TRHDE: variants seen among roughly 807,000 people sequenced by gnomAD.
TRHDE encodes the protein thyrotropin releasing hormone degrading enzyme.
Under a neutral mutation model 125.7 loss-of-function variants are expected in TRHDE, and 72 were observed. The observed-to-expected ratio is 0.57, with a 90% CI of 0.47 to 0.70. The LOEUF (loss-of-function observed/expected upper bound fraction) is 0.70. Among genes scored for constraint, TRHDE ranks in the 30% least tolerant of loss-of-function variants. The pLI is 0.00. For synonymous variants in TRHDE, 509 were observed against 509.1 expected (o/e 1.00, Z 0.00); for missense variants, 1,110 against 1,327.1 (o/e 0.84, Z 2.54).
chr12:72,418,758 GA>G (rs1873832952), intron 3 of TRHDE, among the ~76,000 whole-genome samples: 1 of 152,102 alleles, frequency 6.6e-6, no homozygotes, highest in Non-Finnish European at 1.5e-5. Context: ...TTTCAGGTAA[GA>G]AAAATAAAAT....
At chr12:72,250,410 T>C (rs967587143) in intron 2 of TRHDE, among the ~76,000 whole-genome samples, 1 of 152,170 alleles carries the variant, frequency 6.6e-6, no homozygotes, top group African/African-American at 2.4e-5. Flanking sequence ...AGTAGGAGGA[T>C]CACGCTGGCT....
chr12:72,592,588 T>C (rs573354522), intron 12 of TRHDE, among the ~76,000 whole-genome samples: 2 of 152,244 alleles, frequency 1.3e-5, no homozygotes, highest in East Asian at 3.9e-4. Flanking sequence ...CTATTTTTGT[T>C]GTTTCCTTTA....
intron 2 of TRHDE, chr12:72,262,590 G>A (rs974812906): frequency 2.1e-4 from 32 of 152,044 alleles, no homozygotes; most frequent in Admixed American, 2.1e-3. Flanking sequence ...ATAGAAACAT[G>A]AACATTCGTC....
At chr12:72,480,681 CAAT>C (rs1354151752) in intron 5 of TRHDE, among the ~76,000 whole-genome samples, 2 of 152,064 alleles carry the variant, frequency 1.3e-5, no homozygotes, top group East Asian at 3.8e-4. Flanking sequence ...TGGAGTCTAA[CAAT>C]AATGCAAGGC....
intron 7 of TRHDE, among the ~76,000 whole-genome samples, chr12:72,560,140 A>T (rs1209174090): frequency 1.3e-5 from 2 of 152,218 alleles, no homozygotes; most frequent in Non-Finnish European, 2.9e-5. Context: ...CTTTAAAAAA[A>T]GTTGGCACAT....
chr12:72,575,895 A>T (rs1033182744), intron 12 of TRHDE, among the ~76,000 whole-genome samples: 168 of 152,086 alleles, frequency 1.1e-3, no homozygotes, highest in Non-Finnish European at 1.2e-3. Context: ...TTTTTCCCTG[A>T]TGTATACTAG....
chr12:72,227,412 A>T (rs1249793453), intron 2 of TRHDE, among the ~76,000 whole-genome samples: 1 of 152,138 alleles, frequency 6.6e-6, no homozygotes, highest in Non-Finnish European at 1.5e-5. Flanking sequence ...CATGAAACTT[A>T]TTCACTATCA....
At chr12:72,290,550 G>T (rs1880048676) in intron 2 of TRHDE, among the ~76,000 whole-genome samples, 1 of 152,212 alleles carries the variant, frequency 6.6e-6, no homozygotes, top group African/African-American at 2.4e-5. Context: ...GAAGGGCACA[G>T]TGGTGGCAAC....
At chr12:72,456,086 A>T (rs1392960637) in intron 3 of TRHDE, among the ~76,000 whole-genome samples, 1 of 150,342 alleles carries the variant, frequency 6.7e-6, no homozygotes, top group Non-Finnish European at 1.5e-5. Context: ...CTCAGTATGT[A>T]TATTTATATA....
intron 6 of TRHDE, among the ~76,000 whole-genome samples, chr12:72,515,404 T>A (rs1158226242): frequency 5.3e-5 from 8 of 150,952 alleles, no homozygotes; most frequent in African/African-American, 2.0e-4. Context: ...GTGAGCATTT[T>A]TTCATGTGTT....
intron 2 of TRHDE, chr12:72,137,462 T>C (rs1242433505): frequency 6.6e-6 from 1 of 152,220 alleles, no homozygotes; most frequent in Non-Finnish European, 1.5e-5. Flanking sequence ...ATAAGCCCTG[T>C]GGTTCTGGCC....
chr12:72,186,704 C>T (rs1877221995), intron 2 of TRHDE: 1 of 151,790 alleles, frequency 6.6e-6, no homozygotes, highest in South Asian at 2.1e-4. Flanking sequence ...TGTAATTTGA[C>T]ATTGCCCATT....
At chr12:72,240,592 C>T (rs1426503579) in intron 2 of TRHDE, among the ~76,000 whole-genome samples, 1 of 151,106 alleles carries the variant, frequency 6.6e-6, no homozygotes, top group East Asian at 1.9e-4. Flanking sequence ...TTTTTTGAGA[C>T]AGAGTCTCAC....
At chr12:72,464,168 T>C (rs1180249078) in intron 3 of TRHDE, among the ~76,000 whole-genome samples, 2 of 152,154 alleles carry the variant, frequency 1.3e-5, no homozygotes, top group Non-Finnish European at 2.9e-5. Context: ...GATATTTTCA[T>C]CTAGTGCTCA....
intron 3 of TRHDE, among the ~76,000 whole-genome samples, chr12:72,443,837 G>A (rs747826592): frequency 1.3e-5 from 2 of 151,636 alleles, no homozygotes; most frequent in Non-Finnish European, 3.0e-5. Flanking sequence ...GTGCTAGTGT[G>A]ACTTACTATT....
chr12:72,469,782 C>T lies in TRHDE; in HGVS notation c.1340C>T (p.Pro447Leu), dbSNP rs1398805075. The change falls in exon 4 of 19, where the codon CCG (proline) becomes CTG (leucine). Residue 447 changes from proline to leucine, a missense_variant. Around this residue, in one of 5 missense-constraint regions of TRHDE, gnomAD observed 252 missense variants for 274.8 expected, o/e 0.92. Transcript: ENST00000261180. The part of the protein sequence containing the change: ...KLDLLAVPKH[P>L]YAAMENWGLS... ...GATCTTTTAGCTGTGCCTAAGCATC[C>T]GTATGCTGCTATGGAGAACTGGGGA... 21 of 1,613,926 alleles carry T rather than the reference C, an allele frequency of 1.3e-5. No homozygotes were observed. The highest frequency in any genetic ancestry group is 6.7e-5 in the East Asian group (3 of 44,856).
At chr12:72,147,411 G>A (rs1032139699) in intron 2 of TRHDE, 6 of 152,224 alleles carry the variant, frequency 3.9e-5, no homozygotes, top group African/African-American at 1.4e-4. Flanking sequence ...GAGGCCGGCA[G>A]TTGTGCAGAT....
chr12:72,651,812 A>G (rs1874517495), intron 15 of TRHDE, among the ~76,000 whole-genome samples: 1 of 151,976 alleles, frequency 6.6e-6, no homozygotes, highest in Non-Finnish European at 1.5e-5. Context: ...TATTACCTAT[A>G]TTTATAATCT....
intron 2 of TRHDE, among the ~76,000 whole-genome samples, chr12:72,356,047 C>T (rs547545174): frequency 6.6e-6 from 1 of 151,790 alleles, no homozygotes; most frequent in African/African-American, 2.4e-5. Flanking sequence ...GGTATATACC[C>T]AAAGTAATGT....
Sources: gnomAD v4.1 joint callset for allele counts (sites outside exome capture counted in the v4.1 genomes callset) on GRCh38, gnomAD v4.1.1 for gene constraint, gnomAD v4.1.1 regional missense constraint, MANE v1.5 for transcripts, NCBI Gene and HGNC (gene_info 2026-07-23, HGNC 2026-07-21) for gene names.